The following SLC26A9 variants were observed in gnomAD, a reference collection of about 807,000 sequenced individuals.
SLC26A9 encodes anion transporter/exchanger protein 9.
A neutral mutation model predicts 87.1 loss-of-function variants in SLC26A9; 46 were observed. The ratio of observed to expected loss-of-function variants is 0.53; its 90% CI spans 0.42 to 0.67. The LOEUF (loss-of-function observed/expected upper bound fraction) is 0.67, where lower values mean the gene tolerates loss of function less well. Ranked by LOEUF, SLC26A9 falls within the 30% of genes least tolerant of loss-of-function variation. The pLI, the probability that SLC26A9 is intolerant of heterozygous loss-of-function variation, is 0.00. For missense variants in SLC26A9, 927 were observed against 1,018.3 expected, an observed-to-expected ratio of 0.91 and a Z score of 1.22; for synonymous variants, 437 against 409.1, an observed-to-expected ratio of 1.07 and a Z score of -0.82.
At chr1:205,928,424 C>T (rs1659171572) in intron 8 of SLC26A9, 1 of 379,188 alleles carries the variant, frequency 2.6e-6, no homozygotes, top group Non-Finnish European at 4.8e-6. Flanking sequence ...AAGCGTCACC[C>T]CTCTCCTCCC....
chr1:205,920,488 TG>T (rs1658780435), intron 17 of SLC26A9, among the ~76,000 whole-genome samples: 1 of 152,144 alleles, frequency 6.6e-6, no homozygotes, highest in Admixed American at 6.5e-5. Context: ...CCCCTTCTTG[TG>T]GGGCTAGATA....
At chr1:205,932,304 C>G (rs1659338790) in intron 4 of SLC26A9, among the ~76,000 whole-genome samples, 1 of 152,212 alleles carries the variant, frequency 6.6e-6, no homozygotes, top group Non-Finnish European at 1.5e-5. Flanking sequence ...GAACCAGAAA[C>G]CAGCCCTTGT....
At chr1:205,928,116 C>T in intron 8 of SLC26A9, 67 bp from the exon 9 acceptor site, 2 of 1,557,808 alleles carry the variant, frequency 1.3e-6, no homozygotes, top group East Asian at 2.3e-5. Context: ...AAGTCCTTCA[C>T]CAGCCCACAG....
At position 205,914,705 on chromosome 1, in the gene SLC26A9, G is replaced by C. The variant is rs113680114; in HGVS notation, c.*652C>G. ...ACGGTCCTGGCCACTGTCCAGGCTA[G>C]AGTCTGATGTGCTTGCTGACAGCAG... On this transcript the variant is annotated 3_prime_UTR_variant, in exon 21 of 21. Transcript: ENST00000367135. 209 of 686,660 alleles carry C rather than the reference G, an allele frequency of 3.0e-4. No individual in the cohort carries two copies. In the African/African-American group the frequency reaches 3.3e-3, roughly 11 times the overall value. The allele number at this position is 686,660 out of a possible 1,614,324, so 42.5% of individuals were successfully genotyped here. A position where few individuals can be genotyped will look rare whatever the true frequency, so the allele number is the denominator to read the frequency against.
chr1:205,933,769 G>A (rs993050770), intron 2 of SLC26A9, among the ~76,000 whole-genome samples: 2 of 152,148 alleles, frequency 1.3e-5, no homozygotes, highest in African/African-American at 4.8e-5. Flanking sequence ...CTCCAATACC[G>A]GAGTTCTTTC....
intron 5 of SLC26A9, among the ~76,000 whole-genome samples, chr1:205,931,329 C>T (rs1558126715): frequency 6.6e-6 from 1 of 152,116 alleles, no homozygotes; most frequent in Admixed American, 6.6e-5. Flanking sequence ...AGGTTTAAAG[C>T]TCAGGACAGT....
Position 205,927,233 on chromosome 1 carries a change from A to T in SLC26A9, c.1271T>A (p.Ile424Asn). 1.1e-5 allele frequency: 17 copies of T among 1,614,158 alleles called. No homozygotes were observed. Among genetic ancestry groups the T allele is most frequent in the Non-Finnish European group, 1.4e-5 (17 of 1,180,028 alleles). ...VVMITMLVLG[I>N]YLYPLPKSVL... ...TACCTTAGGGAGAGGATACAGATAG[A>T]TCCCCAGGACCAGCATGGTGATCAT... Residue 424 changes from isoleucine to asparagine, a missense_variant, in exon 11 of 21, where the codon ATC becomes AAC. By Grantham distance (149) the Ile-to-Asn change is moderately radical (BLOSUM62 -3). Transcript: ENST00000367135.
chr1:205,916,377 G>A (rs954012148), intron 20 of SLC26A9, among the ~76,000 whole-genome samples: 49 of 152,318 alleles, frequency 3.2e-4, no homozygotes, highest in African/African-American at 1.2e-3. Flanking sequence ...GATTACAGGT[G>A]TGAACCATTG....
chr1:205,929,172 C>T, intron 7 of SLC26A9, 32 bp downstream of exon 7: 3 of 1,597,292 alleles, frequency 1.9e-6, no homozygotes, highest in Non-Finnish European at 8.6e-7. Flanking sequence ...AGCCTGGCCC[C>T]CCAACATCCC....
chr1:205,917,225 C>T, intron 20 of SLC26A9, 58 bp downstream of exon 20: 1 of 1,579,466 alleles, frequency 6.3e-7, no homozygotes, highest in Non-Finnish European at 8.7e-7. Flanking sequence ...TTGACAGCGA[C>T]CCCATCCTTC....
intron 1 of SLC26A9, among the ~76,000 whole-genome samples, chr1:205,938,170 C>T (rs76837295): frequency 0.065 from 9,801 of 151,762 alleles, 676 homozygotes; most frequent in African/African-American, 0.18. Context: ...ACCCAGCCCA[C>T]CCCCATCCTT....
intron 8 of SLC26A9, 125 bp downstream of exon 8, chr1:205,928,702 C>A: frequency 1.2e-6 from 1 of 842,756 alleles, no homozygotes. Context: ...ATAATTCATA[C>A]ATGGTCAGTG....
In SLC26A9 at chr1:205,918,871, C is replaced by G. The variant is rs907398450; in HGVS notation, c.2225G>C (p.Arg742Thr). 15 of 1,614,048 alleles carry G rather than the reference C, an allele frequency of 9.3e-6. No homozygotes were observed. The highest frequency in any genetic ancestry group is 1.3e-5 in the Non-Finnish European group (15 of 1,180,008). The change falls in exon 19 of 21, where the codon AGA becomes ACA. Residue 742 changes from arginine (R) to threonine (T), a missense_variant. Transcript: ENST00000367135. ...GAAGTTGTGTCCTGGGGTCACGTCT[C>G]TAGCATTTGCCTGGGCAAAGAGGAC... ...DAVLFAQANA[R>T]DVTPGHNFQG... is the part of the protein sequence containing the mutation.
chr1:205,931,769 CT>C (rs2102594249), intron 5 of SLC26A9, 90 bp downstream of exon 5: 1 of 1,495,552 alleles, frequency 6.7e-7, no homozygotes, highest in South Asian at 1.4e-5. Flanking sequence ...ACCCAGCCCC[CT>C]AAATCAGATT....
chr1:205,923,581 T>C lies in SLC26A9; in HGVS notation c.1529A>G (p.Asp510Gly). 6.2e-7 allele frequency: 1 copy of C among 1,614,206 alleles called. No homozygotes were observed. Among genetic ancestry groups the C allele is most frequent in the Non-Finnish European group, 8.5e-7 (1 of 1,180,034 alleles). The change falls in exon 14 of 21, where the codon GAC becomes GGC. Residue 510 changes from aspartate to glycine, a missense_variant. Physicochemically the swap from Asp to Gly is moderately conservative, Grantham distance 94. Coordinates refer to ENST00000367135, the MANE Select transcript of SLC26A9 (RefSeq NM_052934.4). The part of the protein sequence containing the change: ...RNGYALAQVM[D>G]TDIYVNPKTY... ...CTTGGGATTCACATAAATGTCAGTGTCCATGACCTGGGCCAGTGCATAGCC... is the reference window on the plus strand; with the variant it reads ...CTTGGGATTCACATAAATGTCAGTGCCCATGACCTGGGCCAGTGCATAGCC...
chr1:205,917,465 T>G lies in SLC26A9; in HGVS notation c.2257-111A>C, dbSNP rs539567895. 4.0e-6 allele frequency: 4 copies of G among 987,692 alleles called. No homozygotes were observed. The East Asian group carries it at 9.6e-5, about 24-fold the overall frequency. The allele number at this position is 987,692 out of a possible 1,614,324, so 61.2% of individuals were successfully genotyped here. ...CCGGCTCTGGTTGGACGCTGCTTCC[T>G]GACACATGACTTATCCTCTTGCCCC... On this transcript the variant is annotated intron_variant, in intron 19 of 20. Coordinates refer to ENST00000367135, the MANE Select transcript of SLC26A9 (RefSeq NM_052934.4).
At chr1:205,930,260 A>G in intron 5 of SLC26A9, 2 of 434,082 alleles carry the variant, frequency 4.6e-6, no homozygotes, top group East Asian at 3.4e-5. Context: ...CCTTTAGAGC[A>G]TGGGCCTTTC....
intron 20 of SLC26A9, among the ~76,000 whole-genome samples, 163 bp downstream of exon 20, chr1:205,917,109 AAAAAGAAAAGG>A (rs1658624557): frequency 6.7e-6 from 1 of 149,068 alleles, no homozygotes; most frequent in Admixed American, 6.7e-5. Flanking sequence ...AAAAAAAAAA[AAAAAGAAAAGG>A]AAAAGAAAAA....
Position 205,914,863 on chromosome 1 carries a change from G to A in SLC26A9, c.*494C>T. 1.3e-6 allele frequency: 2 copies of A among 1,580,604 alleles called. No individual in the cohort carries two copies. Among genetic ancestry groups the A allele is most frequent in the Non-Finnish European group, 1.7e-6 (2 of 1,161,208 alleles). On this transcript the variant is annotated 3_prime_UTR_variant, in exon 21 of 21. Transcript: ENST00000367135. ...GACAGAGTTGAGGCAGCTGGGGAAGGCAAGCCAGAGTCCTAACCAAGTTTA... is the reference window on the plus strand; with the variant it reads ...GACAGAGTTGAGGCAGCTGGGGAAGACAAGCCAGAGTCCTAACCAAGTTTA...
Sources: gnomAD v4.1 joint callset for allele counts (sites outside exome capture counted in the v4.1 genomes callset) on GRCh38, gnomAD v4.1.1 for gene constraint, MANE v1.5 for transcripts, NCBI Gene and HGNC (gene_info 2026-07-23, HGNC 2026-07-21) for gene names.